SPTBN1: variants seen among roughly 807,000 people sequenced by gnomAD.
The protein encoded by SPTBN1 is spectrin beta, non-erythrocytic 1.
SPTBN1 carries 32 observed loss-of-function variants against 266.4 expected under a neutral mutation model. That is an observed-to-expected ratio of 0.12 (90% CI 0.09 to 0.16). The LOEUF (loss-of-function observed/expected upper bound fraction) is 0.16, where lower values mean the gene tolerates loss of function less well. SPTBN1 is among the 10% of genes least tolerant of loss of function. The pLI, the probability that SPTBN1 is intolerant of heterozygous loss-of-function variation, is 1.00. For missense variants in SPTBN1, 2,296 were observed against 3,067.1 expected (o/e 0.75, Z 5.94); for synonymous variants, 1,336 against 1,162.2 (o/e 1.15, Z -3.04).
rs552729809 is a variant in SPTBN1 at position 54,553,800 on chromosome 2, A to T, written c.148+27234A>T. ...CACACTGAGTCTTGATAGTGTCTGG[A>T]TGTTCAGGAAATGAACATCTAAAGT... On this transcript the variant is annotated intron_variant, in intron 2 of 35. Coordinates refer to ENST00000356805, the MANE Select transcript of SPTBN1 (RefSeq NM_003128.3). 5.3e-5 allele frequency among the ~76,000 whole-genome samples: 8 copies of T among 152,304 alleles called. No individual in the cohort carries two copies. In the South Asian group the frequency reaches 1.4e-3, roughly 28 times the overall value.
Position 54,628,189 on chromosome 2 carries a change from C to A in SPTBN1, c.1737C>A (p.Ile579=), listed in dbSNP as rs1259643884. 1 of 1,614,078 alleles carries A rather than the reference C, an allele frequency of 6.2e-7. No homozygotes were observed. The highest frequency in any genetic ancestry group is 1.7e-5 in the Admixed American group (1 of 60,014). The change falls in exon 13 of 36, where the codon ATC becomes ATA. Residue 579 remains isoleucine, a synonymous_variant. Coordinates refer to ENST00000356805, the MANE Select transcript of SPTBN1 (RefSeq NM_003128.3). The surrounding 1 kb of genome is among the most constrained non-coding windows in gnomAD (Gnocchi z 4.3). The stretch of plus-strand genomic sequence containing the variant: ...CCCTGGTTGAAGCAGACATTGGCAT[C>A]CAGGCAGAGCGGGTGAGAGGTGTCA... ...KHTLVEADIG[I]QAERVRGVNA...
In SPTBN1 at chr2:54,630,942, T is replaced by C. The variant is rs1678690402; in HGVS notation, c.2895T>C (p.Asn965=). Residue 965 remains asparagine, a synonymous_variant, in exon 16 of 36, where the codon AAT becomes AAC. Transcript: ENST00000356805. ...LSIQNYHLEC[N]ETKSWIREKT... ...TCCAGAACTACCACCTCGAGTGCAA[T>C]GAAACCAAATCCTGGATTCGGGAAA... The C allele has an allele frequency of 6.2e-7, 1 of 1,614,082 alleles. No homozygotes were observed. Among genetic ancestry groups the C allele is most frequent in the African/African-American group, 1.3e-5 (1 of 75,026 alleles).
At chr2:54,465,133 T>C (rs1693561845) in intron 1 of SPTBN1, among the ~76,000 whole-genome samples, 1 of 152,242 alleles carries the variant, frequency 6.6e-6, no homozygotes, top group Non-Finnish European at 1.5e-5. Flanking sequence ...GTTATATCTG[T>C]CCTTCTTTGC....
chr2:54,568,349 CAAAAAA>C (rs888478845), intron 2 of SPTBN1, among the ~76,000 whole-genome samples: 6 of 95,692 alleles, frequency 6.3e-5, no homozygotes, highest in South Asian at 3.4e-4. Flanking sequence ...GACTCTGTCT[CAAAAAA>C]AAAAAAAAAA....
chr2:54,570,864 C>G (rs1019161505), intron 2 of SPTBN1, among the ~76,000 whole-genome samples: 1 of 152,098 alleles, frequency 6.6e-6, no homozygotes, highest in Middle Eastern at 3.2e-3. Context: ...GTCTGTTGAA[C>G]TCTTAAATCC....
intron 19 of SPTBN1, among the ~76,000 whole-genome samples, chr2:54,643,924 A>T (rs932239630): frequency 3.9e-5 from 6 of 152,086 alleles, no homozygotes; most frequent in Non-Finnish European, 8.8e-5. Flanking sequence ...GTGAGCTGAG[A>T]TCACGCCACT....
intron 1 of SPTBN1, among the ~76,000 whole-genome samples, chr2:54,468,522 C>G (rs1398530583): frequency 6.6e-6 from 1 of 152,010 alleles, no homozygotes; most frequent in Non-Finnish European, 1.5e-5. Context: ...GTTCAGCACT[C>G]TTGCAGCTTA....
intron 2 of SPTBN1, among the ~76,000 whole-genome samples, chr2:54,580,620 C>A: frequency 6.6e-6 from 1 of 151,046 alleles, no homozygotes; most frequent in South Asian, 2.1e-4. Flanking sequence ...AAAAAATCTC[C>A]AAAATCTTCT....
chr2:54,499,623 G>A (rs1344681316), intron 1 of SPTBN1, among the ~76,000 whole-genome samples: 5 of 152,206 alleles, frequency 3.3e-5, no homozygotes, highest in African/African-American at 9.7e-5. Flanking sequence ...TCACAGTTAA[G>A]TCTCTAAATA....
intron 2 of SPTBN1, chr2:54,529,520 A>G (rs1433766503): frequency 1.4e-6 from 1 of 711,884 alleles, no homozygotes. Context: ...GAGGCCGCCC[A>G]GATATCCTCG....
intron 2 of SPTBN1, chr2:54,529,521 G>C (rs777471245): frequency 2.8e-6 from 2 of 704,292 alleles, no homozygotes; most frequent in South Asian, 1.4e-5. Flanking sequence ...AGGCCGCCCA[G>C]ATATCCTCGG....
chr2:54,616,368 G>T, intron 5 of SPTBN1, 70 bp downstream of exon 5: 4 of 1,380,512 alleles, frequency 2.9e-6, no homozygotes, highest in South Asian at 1.3e-5. Flanking sequence ...TCATCACTTA[G>T]AAGGTGTTGA....
At chr2:54,565,700 GC>G (rs1239294895) in intron 2 of SPTBN1, among the ~76,000 whole-genome samples, 1 of 152,188 alleles carries the variant, frequency 6.6e-6, no homozygotes. Context: ...TATCTAGGCT[GC>G]TTTCCTTATT....
chr2:54,550,487 C>T (rs969204014), intron 2 of SPTBN1, among the ~76,000 whole-genome samples: 1 of 152,162 alleles, frequency 6.6e-6, no homozygotes, highest in Non-Finnish European at 1.5e-5. Flanking sequence ...AAGAAACACA[C>T]CCCACACCCC....
chr2:54,656,996 G>A (rs1409337496), intron 29 of SPTBN1, among the ~76,000 whole-genome samples: 1 of 152,232 alleles, frequency 6.6e-6, no homozygotes, highest in African/African-American at 2.4e-5. Flanking sequence ...CCGAGGTGCT[G>A]AAAGCAGATA....
At chr2:54,637,847 G>GAGGTATGTTACTCTTTAATCCCT in intron 18 of SPTBN1, 44 bp downstream of exon 18, 1 of 1,483,590 alleles carries the variant, frequency 6.7e-7, no homozygotes, top group Non-Finnish European at 9.3e-7. Context: ...TCCAGTAATA[G>GAGGTATGTTACTCTTTAATCCCT]CAATTGCCAG....
At chr2:54,634,798 T>A (rs75703671) in intron 17 of SPTBN1, among the ~76,000 whole-genome samples, 2 of 152,100 alleles carry the variant, frequency 1.3e-5, no homozygotes, top group East Asian at 3.9e-4. Context: ...GTTGAAAGAG[T>A]ACCAGAACAA....
chr2:54,571,731 G>C (rs757741431), intron 2 of SPTBN1, among the ~76,000 whole-genome samples: 10 of 152,122 alleles, frequency 6.6e-5, no homozygotes, highest in East Asian at 1.9e-4. Flanking sequence ...TTCCTTCTTA[G>C]GGATGGCATA....
rs759324204 is a variant in SPTBN1 at position 54,595,292 on chromosome 2, T to G, written c.149-3800T>G. 2.6e-4 allele frequency among the ~76,000 whole-genome samples: 40 copies of G among 152,312 alleles called. 1 individual carries two copies. The highest frequency in any genetic ancestry group is 6.8e-3 in the Middle Eastern group (2 of 294). ...AGATGAGTCCTTATAATACGTAAGCTTAGTAAACTGCGGGAGGGTGGGGGC... is the reference window on the plus strand; with the variant it reads ...AGATGAGTCCTTATAATACGTAAGCGTAGTAAACTGCGGGAGGGTGGGGGC... On this transcript the variant is annotated intron_variant, in intron 2 of 35. Transcript: ENST00000356805.
Sources: allele counts gnomAD v4.1 joint callset (sites outside exome capture counted in the v4.1 genomes callset), GRCh38; gene constraint gnomAD v4.1.1; non-coding constraint Gnocchi (gnomAD v3.1); transcripts MANE v1.5; gene names NCBI Gene and HGNC (gene_info 2026-07-23, HGNC 2026-07-21).